MIPEP: variants seen among roughly 807,000 people sequenced by gnomAD.
MIPEP encodes mitochondrial intermediate peptidase.
In MIPEP, 79 loss-of-function variants were observed where a neutral mutation model predicts 90.3. That is an observed-to-expected ratio of 0.87 (90% CI 0.73 to 1.05). MIPEP has a LOEUF of 1.05. Ranked by LOEUF, MIPEP falls within the 50% of genes least tolerant of loss-of-function variation. The pLI, the probability that MIPEP is intolerant of heterozygous loss-of-function variation, is 0.00. For synonymous variants in MIPEP, 334 were observed against 315.8 expected, an observed-to-expected ratio of 1.06 and a Z score of -0.61; for missense variants, 940 against 905.6, an observed-to-expected ratio of 1.04 and a Z score of -0.49.
At chr13:23,800,864 G>C (rs1322767722) in intron 16 of MIPEP, among the ~76,000 whole-genome samples, 1 of 152,158 alleles carries the variant, frequency 6.6e-6, no homozygotes, top group Non-Finnish European at 1.5e-5. Context: ...CAGACTCCAA[G>C]CGGTTCCTCA....
At chr13:23,757,190 G>A (rs949760602) in intron 17 of MIPEP, among the ~76,000 whole-genome samples, 38 of 152,104 alleles carry the variant, frequency 2.5e-4, no homozygotes, top group African/African-American at 9.2e-4. Context: ...AGGCCTCAGA[G>A]TCTCATAAGG....
At chr13:23,830,067 C>T (rs1007684922) in intron 14 of MIPEP, among the ~76,000 whole-genome samples, 16 of 152,116 alleles carry the variant, frequency 1.1e-4, no homozygotes, top group African/African-American at 3.9e-4. Flanking sequence ...AAGACATGCA[C>T]CCCTTACAAA....
chr13:23,806,852 T>C (rs1953116292), intron 15 of MIPEP, among the ~76,000 whole-genome samples: 1 of 152,182 alleles, frequency 6.6e-6, no homozygotes, highest in Admixed American at 6.5e-5. Context: ...AATCCTGATA[T>C]ATCTTAAATG....
Position 23,760,185 on chromosome 13 carries a change from C to A in MIPEP, c.1881G>T (p.Gly627=). ...AWQLRFSHLV[G]YGARYYSYLM... is the part of the protein sequence containing the mutation. ...GGTAAGAGTAATATCTAGCACCATA[C>A]CCCACGAGGTGGCTGAATCGCAGCT... The change falls in exon 17 of 19, where the codon GGG becomes GGT. Residue 627 remains glycine (G), a synonymous_variant. Coordinates refer to ENST00000382172, the MANE Select transcript of MIPEP (RefSeq NM_005932.4). 2 of 1,614,078 alleles carry A rather than the reference C, an allele frequency of 1.2e-6. No homozygotes were observed. Among genetic ancestry groups the A allele is most frequent in the Non-Finnish European group, 1.7e-6 (2 of 1,180,010 alleles).
intron 10 of MIPEP, among the ~76,000 whole-genome samples, chr13:23,849,275 C>G (rs1869694473): frequency 6.6e-6 from 1 of 152,230 alleles, no homozygotes; most frequent in East Asian, 1.9e-4. Context: ...CCATGGGCAG[C>G]ATATAGGACC....
Position 23,781,537 on chromosome 13 carries a change from C to T in MIPEP, c.1849-21320G>A, listed in dbSNP as rs146146110. Among the ~76,000 whole-genome samples, 1,212 of 152,300 alleles carry T rather than the reference C, an allele frequency of 8.0e-3. 21 individuals are homozygous for T. Among genetic ancestry groups the T allele is most frequent in the East Asian group, 0.05 (260 of 5,182 alleles). ...AAAGACCATCGATGCTAGGAAGAAA[C>T]TGCATCAACTAGCGAGCAAAATAAC... is the stretch of plus-strand genomic sequence containing the variant. On this transcript the variant is annotated intron_variant, in intron 16 of 18. Coordinates refer to ENST00000382172, the MANE Select transcript of MIPEP (RefSeq NM_005932.4).
intron 10 of MIPEP, among the ~76,000 whole-genome samples, chr13:23,844,792 G>A (rs1168631486): frequency 6.6e-6 from 1 of 152,038 alleles, no homozygotes; most frequent in African/African-American, 2.4e-5. Flanking sequence ...CAATCATTAT[G>A]TGTTGGGCAA....
chr13:23,755,698 CACTTCCATTT>C (rs1306236793), intron 18 of MIPEP, among the ~76,000 whole-genome samples: 9 of 151,946 alleles, frequency 5.9e-5, no homozygotes, highest in Non-Finnish European at 1.3e-4. Context: ...TCATGATGAT[CACTTCCATTT>C]ACAATTAAAT....
chr13:23,776,863 C>T (rs988379886), intron 16 of MIPEP, among the ~76,000 whole-genome samples: 2 of 151,642 alleles, frequency 1.3e-5, no homozygotes, highest in Non-Finnish European at 2.9e-5. Flanking sequence ...ATATAGTGCA[C>T]AGCACAGAGG....
chr13:23,795,328 C>A (rs1342474303), intron 16 of MIPEP, among the ~76,000 whole-genome samples: 3 of 152,144 alleles, frequency 2.0e-5, no homozygotes, highest in African/African-American at 4.8e-5. Context: ...GTTTAATAGA[C>A]AATATATTTG....
At chr13:23,885,694 A>C (rs1222514402) in intron 2 of MIPEP, among the ~76,000 whole-genome samples, 1 of 152,008 alleles carries the variant, frequency 6.6e-6, no homozygotes, top group African/African-American at 2.4e-5. Context: ...TTAAAAAAAA[A>C]AAGTCTTTAC....
chr13:23,794,958 G>A (rs1952940517), intron 16 of MIPEP, among the ~76,000 whole-genome samples: 1 of 152,154 alleles, frequency 6.6e-6, no homozygotes. Flanking sequence ...GTTTATGCAG[G>A]CAAAGAGGAA....
intron 15 of MIPEP, among the ~76,000 whole-genome samples, chr13:23,808,311 G>A (rs1953134976): frequency 6.6e-6 from 1 of 152,190 alleles, no homozygotes; most frequent in South Asian, 2.1e-4. Context: ...GTGTTAGCCA[G>A]GATGGTCTCG....
At chr13:23,791,324 C>CT (rs1593156430) in intron 16 of MIPEP, among the ~76,000 whole-genome samples, 1 of 152,182 alleles carries the variant, frequency 6.6e-6, no homozygotes, top group East Asian at 1.9e-4. Flanking sequence ...CACTTGGGCC[C>CT]TTAACGTGGC....
intron 15 of MIPEP, among the ~76,000 whole-genome samples, chr13:23,809,162 A>G (rs561996809): frequency 3.9e-5 from 6 of 152,286 alleles, no homozygotes; most frequent in African/African-American, 1.4e-4. Flanking sequence ...ATTATCTAAA[A>G]CTAACAGCAA....
chr13:23,835,644 C>T lies in MIPEP; in HGVS notation c.1653+596G>A, dbSNP rs115211659. Among the ~76,000 whole-genome samples the T allele has an allele frequency of 7.3e-3, 1,116 of 152,304 alleles. 14 individuals carry two copies. Among genetic ancestry groups the T allele is most frequent in the African/African-American group, 0.026 (1,067 of 41,562 alleles). On this transcript the variant is annotated intron_variant, in intron 14 of 18. Coordinates refer to ENST00000382172, the MANE Select transcript of MIPEP (RefSeq NM_005932.4). The stretch of plus-strand genomic sequence containing the variant: ...GAAAGAACGCATCTTCCAATGTACA[C>T]ATGGACAGTAAACAGCACAATGTTG...
At chr13:23,808,081 G>A (rs1039115555) in intron 15 of MIPEP, among the ~76,000 whole-genome samples, 2 of 151,630 alleles carry the variant, frequency 1.3e-5, no homozygotes, top group East Asian at 3.9e-4. Flanking sequence ...AAAATGTACA[G>A]TTTTAAAAAC....
At chr13:23,803,830 C>T (rs774349126) in intron 16 of MIPEP, among the ~76,000 whole-genome samples, 2 of 152,176 alleles carry the variant, frequency 1.3e-5, no homozygotes, top group Non-Finnish European at 2.9e-5. Context: ...AGTAGGCTAT[C>T]TGTACAAATC....
intron 18 of MIPEP, among the ~76,000 whole-genome samples, chr13:23,751,437 T>C (rs1952439496): frequency 6.6e-6 from 1 of 152,270 alleles, no homozygotes; most frequent in African/African-American, 2.4e-5. Context: ...GAGAATTGAC[T>C]CATTTAGCTA....
Sources: gnomAD v4.1 joint callset for allele counts (sites outside exome capture counted in the v4.1 genomes callset) on GRCh38, gnomAD v4.1.1 for gene constraint, MANE v1.5 for transcripts, NCBI Gene and HGNC (gene_info 2026-07-23, HGNC 2026-07-21) for gene names.